FCRL5: variants seen among roughly 807,000 people sequenced by gnomAD.
FCRL5 encodes Fc receptor like 5, also known as Fc receptor-like protein 5.
FCRL5 carries 79 observed loss-of-function variants against 92.1 expected under a neutral mutation model. The observed-to-expected ratio is 0.86, with a 90% CI of 0.72 to 1.03. FCRL5 has a LOEUF of 1.03. Ranked by LOEUF, FCRL5 falls within the 50% of genes least tolerant of loss-of-function variation. FCRL5 has a pLI of 0.00. For synonymous variants in FCRL5, 466 were observed against 469.3 expected (o/e 0.99, Z 0.09); for missense variants, 1,160 against 1,181.1 (o/e 0.98, Z 0.26).
At chr1:157,544,055 A>G (rs1216389295) in intron 5 of FCRL5, among the ~76,000 whole-genome samples, 4 of 152,232 alleles carry the variant, frequency 2.6e-5, no homozygotes, top group Non-Finnish European at 5.9e-5. Flanking sequence ...TTGAAAGAAA[A>G]AAAATTAGAC....
intron 6 of FCRL5, 87 bp downstream of exon 6, chr1:157,542,772 C>G: frequency 6.9e-7 from 1 of 1,445,792 alleles, no homozygotes; most frequent in Non-Finnish European, 9.4e-7. Context: ...ACTGAGGATA[C>G]TGGAAGGTAT....
intron 7 of FCRL5, among the ~76,000 whole-genome samples, chr1:157,537,041 G>A (rs1353167985): frequency 6.6e-6 from 1 of 152,034 alleles, no homozygotes; most frequent in African/African-American, 2.4e-5. Flanking sequence ...GTCACCTCAG[G>A]ACCCTGTGAT....
intron 11 of FCRL5, 128 bp from the exon 12 acceptor site, chr1:157,520,675 T>C (rs74833494): frequency 0.019 from 12,797 of 675,164 alleles, 358 homozygotes; most frequent in East Asian, 0.1. Flanking sequence ...AAGCAGGGGC[T>C]GGTGTGGCAC....
At position 157,544,884 on chromosome 1, in the gene FCRL5, T is replaced by C; in HGVS notation, c.506A>G (p.Tyr169Cys). The change falls in exon 4 of 17, where the codon TAT becomes TGT. Residue 169 changes from tyrosine to cysteine, a missense_variant. Transcript: ENST00000361835. ...AGAAACAGGGCAACAACTTTCCTTA[T>C]ATCCAGTACAGCGATATGCACCATT... ...KDNGAYRCTG[Y>C]KESCCPVSSN... 6.2e-7 allele frequency: 1 copy of C among 1,614,220 alleles called. No homozygotes were observed.
intron 6 of FCRL5, 90 bp downstream of exon 6, chr1:157,542,769 A>T: frequency 7.0e-7 from 1 of 1,424,226 alleles, no homozygotes; most frequent in Non-Finnish European, 9.6e-7. Context: ...GAAACTGAGG[A>T]TACTGGAAGG....
intron 10 of FCRL5, chr1:157,521,579 A>G: frequency 3.5e-6 from 1 of 288,010 alleles, no homozygotes; most frequent in South Asian, 7.5e-5. Context: ...AGACAACCAT[A>G]CAATACTATT....
chr1:157,523,917 A>C, intron 10 of FCRL5: 3 of 333,838 alleles, frequency 9.0e-6, no homozygotes, highest in East Asian at 9.7e-5. Context: ...TGAGAGAAGA[A>C]TCCGGACAAG....
chr1:157,539,942 A>G (rs1239092292), intron 6 of FCRL5, among the ~76,000 whole-genome samples: 1 of 152,126 alleles, frequency 6.6e-6, no homozygotes, highest in Admixed American at 6.5e-5. Flanking sequence ...CTTCCCTTTC[A>G]CCTTTAAATA....
intron 4 of FCRL5, 136 bp downstream of exon 4, chr1:157,544,695 C>A: frequency 7.0e-7 from 1 of 1,422,620 alleles, no homozygotes; most frequent in South Asian, 1.2e-5. Flanking sequence ...CACTACTATA[C>A]TTCCTCTGCT....
intron 9 of FCRL5, among the ~76,000 whole-genome samples, chr1:157,525,728 C>T (rs1217692406): frequency 2.6e-5 from 4 of 152,146 alleles, no homozygotes; most frequent in Admixed American, 2.0e-4. Context: ...ATCAACAGGA[C>T]TTAATGATTA....
Position 157,521,193 on chromosome 1 carries a change from G to C in FCRL5, c.2339C>G (p.Pro780Arg). 1.2e-6 allele frequency: 2 copies of C among 1,614,130 alleles called. No individual in the cohort carries two copies. Among genetic ancestry groups the C allele is most frequent in the Non-Finnish European group, 8.5e-7 (1 of 1,180,030 alleles). Residue 780 changes from proline to arginine, a missense_variant, in exon 11 of 17, where the codon CCC becomes CGC. Pro to Arg is a moderately radical substitution (Grantham distance 103). Transcript: ENST00000361835. ...ELHCEALRGS[P>R]LILYRFFHED... is the part of the protein sequence containing the mutation. ...ATGAAAAAACCGGTACAGGATCAGG[G>C]GAGAGCCTCTCAGGGCCTCACAGTG... is the stretch of plus-strand genomic sequence containing the variant.
intron 8 of FCRL5, chr1:157,534,015 G>A (rs17416676): frequency 0.22 from 38,879 of 178,768 alleles, 5,154 homozygotes; most frequent in Non-Finnish European, 0.29. Context: ...ACACCAAATC[G>A]TACACATACA....
intron 15 of FCRL5, chr1:157,516,175 G>C: frequency 2.0e-6 from 1 of 508,554 alleles, no homozygotes; most frequent in Non-Finnish European, 3.6e-6. Context: ...AGCATAATTG[G>C]TATTATTGTT....
intron 3 of FCRL5, among the ~76,000 whole-genome samples, chr1:157,545,522 G>GTTTTTTTTTTTTTT (rs754972248): frequency 1.2e-5 from 1 of 84,940 alleles, no homozygotes; most frequent in Non-Finnish European, 2.1e-5. Context: ...TCTTTAATGA[G>GTTTTTTTTTTTTTT]TTTTTTTTTT....
chr1:157,545,632 C>T (rs1651497116), intron 3 of FCRL5, among the ~76,000 whole-genome samples: 1 of 150,186 alleles, frequency 6.7e-6, no homozygotes. Context: ...GGGTTCATGC[C>T]ATTCTCCTGC....
intron 7 of FCRL5, among the ~76,000 whole-genome samples, chr1:157,536,517 G>C (rs1650976094): frequency 6.6e-6 from 1 of 152,224 alleles, no homozygotes; most frequent in African/African-American, 2.4e-5. Flanking sequence ...GATCCCCACT[G>C]TACTGCTGGA....
intron 2 of FCRL5, chr1:157,547,494 A>G (rs1651612029): frequency 7.6e-6 from 4 of 529,402 alleles, no homozygotes; most frequent in South Asian, 1.9e-5. Context: ...GAGAAAATCA[A>G]TGCTGCGCTG....
chr1:157,530,304 C>T (rs1307070874), intron 8 of FCRL5, among the ~76,000 whole-genome samples: 2 of 152,180 alleles, frequency 1.3e-5, no homozygotes, highest in African/African-American at 4.8e-5. Flanking sequence ...GCATAATTTA[C>T]ACACAATAAA....
chr1:157,529,768 G>A (rs2101614742), intron 8 of FCRL5, among the ~76,000 whole-genome samples: 1 of 152,294 alleles, frequency 6.6e-6, no homozygotes, highest in Admixed American at 6.5e-5. Flanking sequence ...TAAGCTATGA[G>A]GACGCAAAGG....
Sources: gnomAD v4.1 joint callset for allele counts (sites outside exome capture counted in the v4.1 genomes callset) on GRCh38, gnomAD v4.1.1 for gene constraint, MANE v1.5 for transcripts, NCBI Gene and HGNC (gene_info 2026-07-23, HGNC 2026-07-21) for gene names.